Variants in UCHL3 observed in about 807,000 individuals in gnomAD.
The protein encoded by UCHL3 is ubiquitin carboxyl-terminal hydrolase isozyme L3.
In UCHL3, 22 loss-of-function variants were observed where a neutral mutation model predicts 35.8. The observed-to-expected ratio is 0.61, with a 90% CI of 0.44 to 0.88. The LOEUF is 0.88. UCHL3 is among the 40% of genes least tolerant of loss of function. UCHL3 has a pLI of 0.00. For missense variants in UCHL3, 229 were observed against 276.9 expected (o/e 0.83, Z 1.23); for synonymous variants, 90 against 92.8 (o/e 0.97, Z 0.17).
chr13:75,558,520 TTAAC>T (rs2031369821), intron 2 of UCHL3, among the ~76,000 whole-genome samples: 1 of 152,238 alleles, frequency 6.6e-6, no homozygotes, highest in Admixed American at 6.5e-5. Context: ...GTACATAAAA[TTAAC>T]AAATAAATTT....
chr13:75,549,732 G>A (rs1469025199), upstream of UCHL3: 2 of 1,414,648 alleles, frequency 1.4e-6, no homozygotes, highest in African/African-American at 1.5e-5. Context: ...GGTGTGTTGG[G>A]AGGGCCCAGG....
intron 7 of UCHL3, among the ~76,000 whole-genome samples, chr13:75,603,579 A>G (rs9543995): frequency 0.12 from 18,436 of 152,220 alleles, 1,407 homozygotes; most frequent in Middle Eastern, 0.29. Flanking sequence ...TTATGTAAAC[A>G]TTAAAAAATA....
At chr13:75,585,630 C>A (rs1415169120) in intron 6 of UCHL3, among the ~76,000 whole-genome samples, 1 of 151,936 alleles carries the variant, frequency 6.6e-6, no homozygotes, top group Non-Finnish European at 1.5e-5. Context: ...AAATTTTATT[C>A]TTGTTTTACA....
intron 2 of UCHL3, among the ~76,000 whole-genome samples, chr13:75,560,258 T>TTTATCAGAAATATA (rs2031448638): frequency 6.6e-6 from 1 of 152,216 alleles, no homozygotes; most frequent in Non-Finnish European, 1.5e-5. Flanking sequence ...ATTTATTTAC[T>TTTATCAGAAATATA]ATAACTTAAA....
chr13:75,600,690 T>TA (rs2032760761), intron 7 of UCHL3, among the ~76,000 whole-genome samples: 1 of 152,252 alleles, frequency 6.6e-6, no homozygotes, highest in African/African-American at 2.4e-5. Context: ...AGAAGTCCGA[T>TA]ATAGATATAT....
chr13:75,586,464 C>T (rs1271144980), intron 6 of UCHL3, among the ~76,000 whole-genome samples: 3 of 133,180 alleles, frequency 2.3e-5, no homozygotes, highest in African/African-American at 7.8e-5. Context: ...TAAAAAGATA[C>T]AGAACATTAC....
intron 7 of UCHL3, among the ~76,000 whole-genome samples, chr13:75,602,005 A>G (rs997414632): frequency 2.0e-5 from 3 of 151,992 alleles, no homozygotes; most frequent in Admixed American, 6.6e-5. Flanking sequence ...GCTGCTCGGG[A>G]GGCTGAGGCA....
intron 7 of UCHL3, among the ~76,000 whole-genome samples, chr13:75,603,572 TGTAA>T: frequency 6.6e-6 from 1 of 152,160 alleles, no homozygotes; most frequent in East Asian, 1.9e-4. Flanking sequence ...TTTGCCTTTA[TGTAA>T]ACATTAAAAA....
At chr13:75,567,123 A>T in intron 4 of UCHL3, 104 bp from the exon 5 acceptor site, 1 of 1,098,182 alleles carries the variant, frequency 9.1e-7, no homozygotes, top group Non-Finnish European at 1.3e-6. Context: ...CCTACCAATG[A>T]AAGAATTTAA....
chr13:75,560,569 A>C (rs994333053), intron 2 of UCHL3, among the ~76,000 whole-genome samples, 184 bp from the exon 3 acceptor site: 5 of 152,258 alleles, frequency 3.3e-5, no homozygotes, highest in African/African-American at 1.2e-4. Context: ...TGATGTTTTG[A>C]TATGTGCTGC....
chr13:75,592,261 C>G (rs1185866925), intron 6 of UCHL3, among the ~76,000 whole-genome samples: 1 of 149,730 alleles, frequency 6.7e-6, no homozygotes, highest in Non-Finnish European at 1.5e-5. Context: ...GATTGGAAGT[C>G]AATGGTACTA....
chr13:75,604,499 C>A (rs138290692), intron 7 of UCHL3: 2 of 310,722 alleles, frequency 6.4e-6, no homozygotes. Flanking sequence ...AATAATTTTG[C>A]GTATTATTTT....
chr13:75,583,288 AACAC>A (rs953436923), intron 6 of UCHL3, among the ~76,000 whole-genome samples: 1 of 152,166 alleles, frequency 6.6e-6, no homozygotes, highest in Non-Finnish European at 1.5e-5. Context: ...GTCACATACA[AACAC>A]ACACACCCAC....
intron 7 of UCHL3, chr13:75,604,486 G>T: frequency 3.5e-6 from 1 of 284,460 alleles, no homozygotes; most frequent in Non-Finnish European, 6.4e-6. Context: ...TTAAAAAACT[G>T]ACAATAATTT....
At chr13:75,557,028 C>G (rs376726800) in intron 2 of UCHL3, among the ~76,000 whole-genome samples, 2 of 152,008 alleles carry the variant, frequency 1.3e-5, no homozygotes, top group South Asian at 4.1e-4. Context: ...CCAGCTTGGG[C>G]AACATAGTGA....
At chr13:75,597,503 C>T (rs1405667080) in intron 7 of UCHL3, among the ~76,000 whole-genome samples, 1 of 151,876 alleles carries the variant, frequency 6.6e-6, no homozygotes, top group Non-Finnish European at 1.5e-5. Flanking sequence ...AAAATAAATA[C>T]CAATACAACA....
At chr13:75,578,834 A>G (rs1257908395) in intron 6 of UCHL3, among the ~76,000 whole-genome samples, 1 of 152,066 alleles carries the variant, frequency 6.6e-6, no homozygotes, top group Non-Finnish European at 1.5e-5. Flanking sequence ...TCATAAATAT[A>G]TATACATAAT....
In UCHL3 at chr13:75,549,814, C is replaced by G. The variant is rs528032236; in HGVS notation, c.-7C>G. 13 of 1,553,476 alleles carry G rather than the reference C, an allele frequency of 8.4e-6. No homozygotes were observed. The South Asian group carries it at 1.5e-4, about 19-fold the overall frequency. On this transcript the variant is annotated 5_prime_UTR_variant, in exon 1 of 9. Transcript: ENST00000377595. ...CTGTCAGAGCTGGAGGGCCGGGCACCGCGGCCATGGAGGGTCAACGCTGGC... is the reference window on the plus strand; with the variant it reads ...CTGTCAGAGCTGGAGGGCCGGGCACGGCGGCCATGGAGGGTCAACGCTGGC...
chr13:75,593,721 A>G (rs2032571884), intron 6 of UCHL3, among the ~76,000 whole-genome samples: 2 of 152,182 alleles, frequency 1.3e-5, no homozygotes, highest in Non-Finnish European at 2.9e-5. Context: ...TCATAATTTG[A>G]GGGAAATAAC....
Sources: gnomAD v4.1 joint callset for allele counts (sites outside exome capture counted in the v4.1 genomes callset) on GRCh38, gnomAD v4.1.1 for gene constraint, MANE v1.5 for transcripts, NCBI Gene and HGNC (gene_info 2026-07-23, HGNC 2026-07-21) for gene names.